The following AGPAT4 variants were observed in gnomAD, a reference collection of about 807,000 sequenced individuals.
AGPAT4 encodes the protein 1-acyl-sn-glycerol-3-phosphate acyltransferase delta.
In AGPAT4, 15 loss-of-function variants were observed where a neutral mutation model predicts 48.0. The observed-to-expected ratio is 0.31, with a 90% confidence interval of 0.21 to 0.48. AGPAT4 has a LOEUF of 0.48. AGPAT4 is among the 20% of genes least tolerant of loss of function. The pLI, the probability that AGPAT4 is intolerant of heterozygous loss-of-function variation, is 0.99. For synonymous variants in AGPAT4, 178 were observed against 198.7 expected, an observed-to-expected ratio of 0.90 and a Z score of 0.88; for missense variants, 314 against 482.5, an observed-to-expected ratio of 0.65 and a Z score of 3.27.
rs899106223 is a variant in AGPAT4, at chr6:161,231,962, T to G, written c.178+74A>C. The G allele has an allele frequency of 2.1e-6, 3 of 1,437,414 alleles. No homozygotes were observed. In the African/African-American group the frequency reaches 4.2e-5, roughly 20 times the overall value. 89.0% of individuals were successfully genotyped at this position (1,437,414 alleles called of 1,614,324 possible). A position where few individuals can be genotyped will look rare whatever the true frequency, so the allele number is the denominator to read the frequency against. ...CGGCACACAACGAAAGCCTAGTGAA[T>G]CCATATCAAGAGCCATAATTCTGAT... is the stretch of plus-strand genomic sequence containing the variant. On this transcript the variant is annotated intron_variant, in intron 2 of 8. Coordinates refer to ENST00000320285, the MANE Select transcript of AGPAT4 (RefSeq NM_020133.3). This position sits in a 1 kb window ranked among gnomAD's most constrained non-coding sequence, Gnocchi z 5.3.
rs1274694639 is a variant in AGPAT4 at position 161,195,901 on chromosome 6, A to AGG, written c.179-29486_179-29485dup. ...CAAGTCTTGAATGTGAATGTTCTCA[A>AGG]GGTCCGCTCCGATCCTATCTTTTCC... On this transcript the variant is annotated intron_variant, in intron 2 of 8. Coordinates refer to ENST00000320285, the MANE Select transcript of AGPAT4 (RefSeq NM_020133.3). This position sits in a 1 kb window ranked among gnomAD's most constrained non-coding sequence, Gnocchi z 5.0. 1.3e-5 allele frequency among the ~76,000 whole-genome samples: 2 copies of AGG among 152,186 alleles called. No individual in the cohort carries two copies. The highest frequency in any genetic ancestry group is 1.5e-5 in the Non-Finnish European group (1 of 68,026).
rs953227015 is a variant in AGPAT4, at chr6:161,270,418, A to T, written c.-90+3520T>A. On this transcript the variant is annotated intron_variant, in intron 1 of 8. Coordinates refer to ENST00000320285, the MANE Select transcript of AGPAT4 (RefSeq NM_020133.3). The surrounding 1 kb of genome is among the most constrained non-coding windows in gnomAD (Gnocchi z 5.3). The stretch of plus-strand genomic sequence containing the variant: ...ACATGATTATTATGATTATATTTCA[A>T]AATAGGAGTGATGAAAGGCGTTTCA... Among the ~76,000 whole-genome samples, 7 of 152,186 alleles carry T rather than the reference A, an allele frequency of 4.6e-5. No individual in the cohort carries two copies. Among genetic ancestry groups the T allele is most frequent in the African/African-American group, 1.7e-4 (7 of 41,446 alleles).
chr6:161,236,326 T>C lies in AGPAT4; in HGVS notation c.-89-4024A>G, dbSNP rs1182245426. Among the ~76,000 whole-genome samples, 1 of 152,220 alleles carries C rather than the reference T, an allele frequency of 6.6e-6. No individual in the cohort carries two copies. Among genetic ancestry groups the C allele is most frequent in the African/African-American group, 2.4e-5 (1 of 41,456 alleles). On this transcript the variant is annotated intron_variant, in intron 1 of 8. Transcript: ENST00000320285. This position sits in a 1 kb window ranked among gnomAD's most constrained non-coding sequence, Gnocchi z 5.0. ...GGCCAAAAATGATGAACTCGTGTGC[T>C]TGACAAAGTAAAGATGATGTATTGC...
chr6:161,224,220 G>A (rs1582888401), intron 2 of AGPAT4, among the ~76,000 whole-genome samples: 1 of 152,212 alleles, frequency 6.6e-6, no homozygotes, highest in African/African-American at 2.4e-5. Context: ...ACTAAGAGAG[G>A]AGAAAACAGA....
Position 161,218,419 on chromosome 6 carries a change from G to A in AGPAT4, c.178+13617C>T, listed in dbSNP as rs775192001. Among the ~76,000 whole-genome samples, 12 of 152,198 alleles carry A rather than the reference G, an allele frequency of 7.9e-5. No individual in the cohort carries two copies. Among genetic ancestry groups the A allele is most frequent in the Non-Finnish European group, 1.2e-4 (8 of 68,036 alleles). Reference sequence around the variant, plus strand: ...GCACGACTCCCTCTGCTGGCATGATGGTCTGACTAAGTGGGGAAATCACAG... The same window carrying A: ...GCACGACTCCCTCTGCTGGCATGATAGTCTGACTAAGTGGGGAAATCACAG... On this transcript the variant is annotated intron_variant, in intron 2 of 8. Coordinates refer to ENST00000320285, the MANE Select transcript of AGPAT4 (RefSeq NM_020133.3). The surrounding 1 kb of genome is among the most constrained non-coding windows in gnomAD (Gnocchi z 4.7).
rs3798939 is a variant in AGPAT4, at chr6:161,234,325, G to A, written c.-89-2023C>T. On this transcript the variant is annotated intron_variant, in intron 1 of 8. Transcript: ENST00000320285. This position sits in a 1 kb window ranked among gnomAD's most constrained non-coding sequence, Gnocchi z 4.4. ...AAGAAGCTTTCGGCCTGATTTCTCT[G>A]AAATCATCTTAGCTCCACTGAGACA... 0.2 allele frequency among the ~76,000 whole-genome samples: 30,366 copies of A among 152,158 alleles called. 3,275 individuals carry two copies. Among genetic ancestry groups the A allele is most frequent in the Non-Finnish European group, 0.24 (16,311 of 67,990 alleles).
chr6:161,244,419 A>T lies in AGPAT4; in HGVS notation c.-89-12117T>A, dbSNP rs1388242716. Among the ~76,000 whole-genome samples, 1 of 152,210 alleles carries T rather than the reference A, an allele frequency of 6.6e-6. No homozygotes were observed. The highest frequency in any genetic ancestry group is 6.6e-5 in the Admixed American group (1 of 15,262). ...AAAACAAATAATAAAAAGCCTTTAA[A>T]GTTAAGGTTTATGGCGAAATTTAAA... On this transcript the variant is annotated intron_variant, in intron 1 of 8. Transcript: ENST00000320285. This position sits in a 1 kb window ranked among gnomAD's most constrained non-coding sequence, Gnocchi z 4.7.
In AGPAT4 at chr6:161,215,542, T is replaced by C. The variant is rs761338759; in HGVS notation, c.178+16494A>G. ...TCAGGTCTGTCTCTCTGGCACACAT[T>C]ACAGGCAAAACCCATATTTTAAATG... is the stretch of plus-strand genomic sequence containing the variant. On this transcript the variant is annotated intron_variant, in intron 2 of 8. Coordinates refer to ENST00000320285, the MANE Select transcript of AGPAT4 (RefSeq NM_020133.3). This position sits in a 1 kb window ranked among gnomAD's most constrained non-coding sequence, Gnocchi z 4.5. Among the ~76,000 whole-genome samples, 14 of 152,122 alleles carry C rather than the reference T, an allele frequency of 9.2e-5. No homozygotes were observed. The highest frequency in any genetic ancestry group is 2.0e-4 in the Admixed American group (3 of 15,276).
chr6:161,172,878 G>C (rs1780312556), intron 2 of AGPAT4, among the ~76,000 whole-genome samples: 1 of 151,390 alleles, frequency 6.6e-6, no homozygotes, highest in African/African-American at 2.4e-5. Flanking sequence ...CCACCTATGA[G>C]TGAGAACATG....
At chr6:161,174,670 C>T (rs1293164251) in intron 2 of AGPAT4, among the ~76,000 whole-genome samples, 2 of 152,200 alleles carry the variant, frequency 1.3e-5, no homozygotes, top group African/African-American at 4.8e-5. Flanking sequence ...CTGGCCAGAA[C>T]TTCCAACACT....
chr6:161,193,424 C>A (rs746798249), intron 2 of AGPAT4, among the ~76,000 whole-genome samples: 8 of 152,218 alleles, frequency 5.3e-5, no homozygotes, highest in Non-Finnish European at 8.8e-5. Flanking sequence ...CTATCTGAAG[C>A]TAACATCATG....
chr6:161,150,032 A>G (rs1377009234), intron 5 of AGPAT4, among the ~76,000 whole-genome samples: 1 of 152,232 alleles, frequency 6.6e-6, no homozygotes, highest in Non-Finnish European at 1.5e-5. Context: ...TAACCATTCT[A>G]TGAGCATTAT....
In AGPAT4 at chr6:161,169,158, GT is replaced by G; in HGVS notation, c.179-2742del. Among the ~76,000 whole-genome samples the G allele has an allele frequency of 6.6e-6, 1 of 152,256 alleles. No homozygotes were observed. The highest frequency in any genetic ancestry group is 1.9e-4 in the East Asian group (1 of 5,182). Reference sequence around the variant, plus strand: ...GAGAGAACATCACAGAGACTTCTGGGTTACCAGAGTAAGGAGTTATGATTTA... The same window carrying G: ...GAGAGAACATCACAGAGACTTCTGGGTACCAGAGTAAGGAGTTATGATTTA... On this transcript the variant is annotated intron_variant, in intron 2 of 8. Transcript: ENST00000320285. This position sits in a 1 kb window ranked among gnomAD's most constrained non-coding sequence, Gnocchi z 5.0.
intron 2 of AGPAT4, among the ~76,000 whole-genome samples, chr6:161,205,761 T>TAATAATAATAAC (rs71004032): frequency 0.081 from 12,126 of 148,848 alleles, 574 homozygotes; most frequent in Non-Finnish European, 0.092. Context: ...ATAATAATAA[T>TAATAATAATAAC]AACAACAAAC....
In AGPAT4 at chr6:161,245,728, G is replaced by C. The variant is rs529643119; in HGVS notation, c.-89-13426C>G. 1.8e-4 allele frequency among the ~76,000 whole-genome samples: 27 copies of C among 152,196 alleles called. No homozygotes were observed. The highest frequency in any genetic ancestry group is 3.2e-4 in the Non-Finnish European group (22 of 68,012). On this transcript the variant is annotated intron_variant, in intron 1 of 8. Transcript: ENST00000320285. This position sits in a 1 kb window ranked among gnomAD's most constrained non-coding sequence, Gnocchi z 5.2. ...AAGTGCCCTCAATCCTTGAGTTCTT[G>C]GAGATCCTGTCATTGCCAATCCTAG...
In AGPAT4 at chr6:161,272,254, G is replaced by T. The variant is rs1007301262; in HGVS notation, c.-90+1684C>A. 6.6e-6 allele frequency among the ~76,000 whole-genome samples: 1 copy of T among 152,198 alleles called. No individual in the cohort carries two copies. Among genetic ancestry groups the T allele is most frequent in the African/African-American group, 2.4e-5 (1 of 41,440 alleles). ...CCACCCATTCTTCCTGCTTCCACAT[G>T]GCAGGGTTGCTCAAGGTTTATAAGT... is the stretch of plus-strand genomic sequence containing the variant. On this transcript the variant is annotated intron_variant, in intron 1 of 8. Coordinates refer to ENST00000320285, the MANE Select transcript of AGPAT4 (RefSeq NM_020133.3). The surrounding 1 kb of genome is among the most constrained non-coding windows in gnomAD (Gnocchi z 4.2).
Position 161,139,553 on chromosome 6 carries a change from CGCCGGGGGGGCACCATGGGCGTCTCTGG to C in AGPAT4, c.883_910del (p.Pro295GlyfsTer6). ...CAGCCAGTTCACGAGGGTCCAGGGCCGCCGGGGGGGCACCATGGGCGTCTCTGGGAAGGTGCCCGTCCTGTAGTACTCC... is the reference window on the plus strand; with the variant it reads ...CAGCCAGTTCACGAGGGTCCAGGGCCGAAGGTGCCCGTCCTGTAGTACTCC... On this transcript the variant is annotated frameshift_variant, in exon 8 of 9. Coordinates refer to ENST00000320285, the MANE Select transcript of AGPAT4 (RefSeq NM_020133.3). LOFTEE classifies it high-confidence loss of function. This position sits in a 1 kb window ranked among gnomAD's most constrained non-coding sequence, Gnocchi z 9.1. 1 of 1,614,020 alleles carries C rather than the reference CGCCGGGGGGGCACCATGGGCGTCTCTGG, an allele frequency of 6.2e-7. No homozygotes were observed. The highest frequency in any genetic ancestry group is 8.5e-7 in the Non-Finnish European group (1 of 1,179,970).
intron 2 of AGPAT4, among the ~76,000 whole-genome samples, chr6:161,211,375 T>C (rs1781517909): frequency 6.6e-6 from 1 of 152,130 alleles, no homozygotes; most frequent in Non-Finnish European, 1.5e-5. Flanking sequence ...TCAAAGCTTA[T>C]TTAAAAGTCA....
intron 2 of AGPAT4, among the ~76,000 whole-genome samples, chr6:161,188,095 T>C (rs1562330104): frequency 6.6e-6 from 1 of 152,224 alleles, no homozygotes. Context: ...AATAAAATGC[T>C]ATATATGTAC....
Sources: allele counts gnomAD v4.1 joint callset (sites outside exome capture counted in the v4.1 genomes callset), GRCh38; gene constraint gnomAD v4.1.1; non-coding constraint Gnocchi (gnomAD v3.1); transcripts MANE v1.5; gene names NCBI Gene and HGNC (gene_info 2026-07-23, HGNC 2026-07-21).